The following STK17B variants were observed in gnomAD, a reference collection of about 807,000 sequenced individuals.
STK17B encodes the protein serine/threonine kinase 17b.
Under a neutral mutation model 42.0 loss-of-function variants are expected in STK17B, and 21 were observed. That is an observed-to-expected ratio of 0.50 (90% CI 0.35 to 0.72). The LOEUF (loss-of-function observed/expected upper bound fraction) is 0.72. Ranked by LOEUF, STK17B falls within the 30% of genes least tolerant of loss-of-function variation. The pLI is 0.00. For synonymous variants in STK17B, 143 were observed against 148.4 expected (o/e 0.96, Z 0.26); for missense variants, 349 against 446.0 (o/e 0.78, Z 1.96).
In STK17B at chr2:196,162,416, T is replaced by TC. The variant is rs1025292293; in HGVS notation, c.122+845_122+846insG. Reference sequence around the variant, plus strand: ...TCTCCCTATTTCTTCTTCTTCTTCTTTTTTTTTTTTTTTTAAGCCAAGCAC... The same window carrying TC: ...TCTCCCTATTTCTTCTTCTTCTTCTTCTTTTTTTTTTTTTTAAGCCAAGCAC... On this transcript the variant is annotated intron_variant, in intron 2 of 7. Transcript: ENST00000263955. Among the ~76,000 whole-genome samples, 9 of 131,692 alleles carry TC rather than the reference T, an allele frequency of 6.8e-5. No homozygotes were observed. The East Asian group carries it at 8.1e-4, about 12-fold the overall frequency. The allele number at this position is 131,692 out of a possible 152,430, so 86.4% of individuals were successfully genotyped here.
chr2:196,146,362 G>T (rs1699575213), intron 3 of STK17B, among the ~76,000 whole-genome samples: 1 of 151,984 alleles, frequency 6.6e-6, no homozygotes, highest in Non-Finnish European at 1.5e-5. Context: ...AAATTAGCTG[G>T]GTGTGATGGC....
chr2:196,156,465 T>G lies in STK17B; in HGVS notation c.309A>C (p.Thr103=). ...ATTCCAATATCAAAATGATTTCACT[T>G]GTATTTTCATAGACCTCATGAAGAT... ...VINLHEVYEN[T]SEIILILEYA... The change falls in exon 3 of 8, where the codon ACA becomes ACC. Residue 103 remains threonine, a synonymous_variant. Coordinates refer to ENST00000263955, the MANE Select transcript of STK17B (RefSeq NM_004226.4). 6.2e-7 allele frequency: 1 copy of G among 1,613,860 alleles called. No individual in the cohort carries two copies. Among genetic ancestry groups the G allele is most frequent in the Non-Finnish European group, 8.5e-7 (1 of 1,179,872 alleles).
chr2:196,156,230 T>A, intron 3 of STK17B: 1 of 417,114 alleles, frequency 2.4e-6, no homozygotes, highest in South Asian at 5.2e-5. Context: ...TATTTGTCAT[T>A]TGCTTATTCT....
At chr2:196,152,091 CA>C (rs2105695550) in intron 3 of STK17B, among the ~76,000 whole-genome samples, 1 of 142,990 alleles carries the variant, frequency 7.0e-6, no homozygotes, top group East Asian at 2.1e-4. Flanking sequence ...AGCAAATGTA[CA>C]AATCAAAAAA....
In STK17B at chr2:196,158,724, T is replaced by C. The variant is rs954530666; in HGVS notation, c.123-2073A>G. ...AACAATTCCTCCCTTTAAAATAGTT[T>C]TGTTGGGCCAGACGTGGTGGCTCAT... On this transcript the variant is annotated intron_variant, in intron 2 of 7. Coordinates refer to ENST00000263955, the MANE Select transcript of STK17B (RefSeq NM_004226.4). Among the ~76,000 whole-genome samples the C allele has an allele frequency of 3.3e-5, 4 of 120,826 alleles. No homozygotes were observed. The South Asian group carries it at 1.2e-3, about 37-fold the overall frequency. The allele number at this position is 120,826 out of a possible 152,430, so 79.3% of individuals were successfully genotyped here. A position where few individuals can be genotyped will look rare whatever the true frequency, so the allele number is the denominator to read the frequency against.
intron 5 of STK17B, among the ~76,000 whole-genome samples, chr2:196,142,900 T>C (rs573437770): frequency 6.6e-6 from 1 of 152,342 alleles, no homozygotes; most frequent in South Asian, 2.1e-4. Context: ...GATTATAAGT[T>C]AAAATACTTC....
intron 3 of STK17B, among the ~76,000 whole-genome samples, chr2:196,147,947 C>A (rs953892956): frequency 6.6e-6 from 1 of 152,102 alleles, no homozygotes; most frequent in African/African-American, 2.4e-5. Context: ...CCAGGATGGT[C>A]TCGATCTCTT....
rs1480271517 is a variant in STK17B, at chr2:196,135,265, C to T, written c.*2182G>A. 6.6e-6 allele frequency: 1 copy of T among 152,100 alleles called. No homozygotes were observed. The highest frequency in any genetic ancestry group is 2.4e-5 in the African/African-American group (1 of 41,422). The allele number at this position is 152,100 out of a possible 1,614,324, so 9.4% of individuals were successfully genotyped here. On this transcript the variant is annotated 3_prime_UTR_variant, in exon 8 of 8. Coordinates refer to ENST00000263955, the MANE Select transcript of STK17B (RefSeq NM_004226.4). ...AATCATTTCATTATCCAATGACTTA[C>T]TAAACTTTACTTGCATTATCTTAAT... is the stretch of plus-strand genomic sequence containing the variant.
intron 3 of STK17B, among the ~76,000 whole-genome samples, chr2:196,148,766 C>T (rs1206099110): frequency 6.6e-6 from 1 of 152,114 alleles, no homozygotes; most frequent in Non-Finnish European, 1.5e-5. Flanking sequence ...ATTACAAATT[C>T]GTTAAAGTTA....
chr2:196,139,692 G>A lies in STK17B; in HGVS notation c.764C>T (p.Ser255Leu), dbSNP rs969582838. The part of the protein sequence containing the change: ...LNISQVNVDY[S>L]EETFSSVSQL... ...TGAAACTGATGAAAAAGTTTCTTCC[G>A]AATAATCTACATTAACTTGAGAAAT... Residue 255 changes from serine to leucine, a missense_variant, in exon 7 of 8, where the codon TCG (serine) becomes TTG (leucine). Ser to Leu is a moderately radical substitution (Grantham distance 145). Coordinates refer to ENST00000263955, the MANE Select transcript of STK17B (RefSeq NM_004226.4). The A allele has an allele frequency of 1.5e-5, 22 of 1,474,702 alleles. No homozygotes were observed. In the East Asian group the frequency reaches 1.5e-4, roughly 10 times the overall value. 91.4% of individuals were successfully genotyped at this position (1,474,702 alleles called of 1,614,324 possible).
chr2:196,137,544 T>G lies in STK17B; in HGVS notation c.1022A>C (p.Glu341Ala). ...NGTCGDREDK[E>A]NIPEDSSMVS... Reference sequence around the variant, plus strand: ...CATGCTGCTATCCTCTGGGATATTCTCTTTGTCTTCTCTATCACCACAGGT... The same window carrying G: ...CATGCTGCTATCCTCTGGGATATTCGCTTTGTCTTCTCTATCACCACAGGT... Residue 341 changes from glutamate (E) to alanine (A), a missense_variant, in exon 8 of 8, where the codon GAG (glutamate) becomes GCG (alanine). Transcript: ENST00000263955. The G allele has an allele frequency of 6.2e-7, 1 of 1,614,152 alleles. No homozygotes were observed. The highest frequency in any genetic ancestry group is 8.5e-7 in the Non-Finnish European group (1 of 1,180,004).
At chr2:196,165,674 A>C (rs559084336) in intron 1 of STK17B, 2 of 152,338 alleles carry the variant, frequency 1.3e-5, no homozygotes, top group Admixed American at 1.3e-4. Context: ...TTTACTGGTG[A>C]AGAAAGCTTC....
In STK17B at chr2:196,135,903, G is replaced by A. The variant is rs1699396082; in HGVS notation, c.*1544C>T. The A allele has an allele frequency of 6.8e-6, 1 of 147,762 alleles. No individual in the cohort carries two copies. The highest frequency in any genetic ancestry group is 6.8e-5 in the Admixed American group (1 of 14,754). The allele number at this position is 147,762 out of a possible 1,614,324, so 9.2% of individuals were successfully genotyped here. A position where few individuals can be genotyped will look rare whatever the true frequency, so the allele number is the denominator to read the frequency against. ...TATCTATAGATATATACATACACCT[G>A]TACATACACACATGTGCACACATAC... is the stretch of plus-strand genomic sequence containing the variant. On this transcript the variant is annotated 3_prime_UTR_variant, in exon 8 of 8. Transcript: ENST00000263955.
intron 4 of STK17B, among the ~76,000 whole-genome samples, chr2:196,144,487 A>AG (rs1699542200): frequency 1.0e-3 from 1 of 968 alleles, no homozygotes; most frequent in Non-Finnish European, 4.6e-3. Context: ...ACTCTGTCTC[A>AG]AAAAAAAAAA....
chr2:196,143,456 C>T (rs1699521816), intron 5 of STK17B, 104 bp downstream of exon 5: 1 of 1,139,088 alleles, frequency 8.8e-7, no homozygotes, highest in Admixed American at 2.8e-5. Context: ...CCAATCAAAT[C>T]CTTTTAACTG....
At chr2:196,169,169 C>T (rs918382473) in intron 1 of STK17B, among the ~76,000 whole-genome samples, 2 of 149,494 alleles carry the variant, frequency 1.3e-5, no homozygotes, top group African/African-American at 2.5e-5. Flanking sequence ...CTCGGCCTTC[C>T]GGGTCAAGCA....
chr2:196,160,473 AATT>A (rs1192634893), intron 2 of STK17B, among the ~76,000 whole-genome samples: 2 of 152,210 alleles, frequency 1.3e-5, no homozygotes, highest in East Asian at 3.8e-4. Flanking sequence ...AAGGAAAATG[AATT>A]ATTAAACACT....
chr2:196,170,840 T>G (rs893287257), intron 1 of STK17B: 6 of 152,234 alleles, frequency 3.9e-5, no homozygotes. Flanking sequence ...GAACTTTCTC[T>G]AGACGAAAGG....
chr2:196,137,918 T>C (rs1699431278), intron 7 of STK17B, among the ~76,000 whole-genome samples, 189 bp from the exon 8 acceptor site: 1 of 152,236 alleles, frequency 6.6e-6, no homozygotes, highest in Non-Finnish European at 1.5e-5. Flanking sequence ...TGCTTAGTTA[T>C]ATGCCAGGGA....
Sources: allele counts gnomAD v4.1 joint callset (sites outside exome capture counted in the v4.1 genomes callset), GRCh38; gene constraint gnomAD v4.1.1; transcripts MANE v1.5; gene names NCBI Gene and HGNC (gene_info 2026-07-23, HGNC 2026-07-21).